Variants in FLI1 observed in about 807,000 individuals in gnomAD.
FLI1 encodes the protein Friend leukemia integration 1 transcription factor.
A neutral mutation model predicts 53.1 loss-of-function variants in FLI1; 13 were observed. The ratio of observed to expected loss-of-function variants is 0.24; its 90% CI spans 0.16 to 0.39. The LOEUF (loss-of-function observed/expected upper bound fraction) is 0.39, where lower values mean the gene tolerates loss of function less well. Among genes scored for constraint, FLI1 ranks in the 10% least tolerant of loss-of-function variants. The probability of loss-of-function intolerance (pLI) is 1.00; values close to 1 mark genes in which losing one functional copy is unlikely to be tolerated. For synonymous variants in FLI1, 244 were observed against 236.7 expected (o/e 1.03, Z -0.28); for missense variants, 424 against 600.5 (o/e 0.71, Z 3.07).
At chr11:128,691,703 T>C (rs1249748244), upstream of FLI1, 1 of 152,404 alleles carries the variant, frequency 6.6e-6, no homozygotes, top group Non-Finnish European at 1.5e-5. Context: ...TTCAATTTAA[T>C]CTAGTTCCAT....
At chr11:128,751,735 A>C (rs1275812818) in intron 1 of FLI1, among the ~76,000 whole-genome samples, 1 of 150,566 alleles carries the variant, frequency 6.6e-6, no homozygotes, top group Non-Finnish European at 1.5e-5. Context: ...TCACCATGTT[A>C]GCCAGGATGG....
chr11:128,805,351 G>A lies in FLI1; in HGVS notation c.656-15G>A. The A allele has an allele frequency of 1.3e-6, 2 of 1,539,482 alleles. No individual in the cohort carries two copies. Among genetic ancestry groups the A allele is most frequent in the Non-Finnish European group, 8.9e-7 (1 of 1,125,322 alleles). On this transcript the variant is annotated splice_polypyrimidine_tract_variant and intron_variant, in intron 5 of 8. Transcript: ENST00000527786. ...AGGCGATGCTAATGTACCCCTATTT[G>A]TTATTGTTCATTAGACCCTTCTTAT...
chr11:128,685,565 AT>A (rs1237613104), upstream of FLI1, among the ~76,000 whole-genome samples: 2 of 151,598 alleles, frequency 1.3e-5, no homozygotes, highest in Non-Finnish European at 2.9e-5. Context: ...AAAAAAAAAA[AT>A]GTAGGGGACC....
chr11:128,727,150 C>T lies in FLI1; in HGVS notation c.19-30965C>T, dbSNP rs114952004. Among the ~76,000 whole-genome samples the T allele has an allele frequency of 3.2e-3, 483 of 152,250 alleles. 4 individuals are homozygous for T. Among genetic ancestry groups the T allele is most frequent in the African/African-American group, 0.01 (426 of 41,528 alleles). On this transcript the variant is annotated intron_variant, in intron 1 of 8. Transcript: ENST00000527786. ...TGTAGATTTTGGAAGGAGCACACTTCAGAATCAGATCTGAGTTGAGATCTT... is the reference window on the plus strand; with the variant it reads ...TGTAGATTTTGGAAGGAGCACACTTTAGAATCAGATCTGAGTTGAGATCTT...
At chr11:128,736,178 C>G (rs148970235) in intron 1 of FLI1, among the ~76,000 whole-genome samples, 2 of 152,192 alleles carry the variant, frequency 1.3e-5, no homozygotes, top group Non-Finnish European at 1.5e-5. Context: ...CCTCCACCCC[C>G]GCCCAGCATA....
Position 128,807,256 on chromosome 11 carries a change from T to A in FLI1, c.781+17T>A, listed in dbSNP as rs1294509073. ...CCCAGCCAGGTACCTGCCCAGGATATGTAATCTCTCCTTTGCTTCCTGCAC... is the reference window on the plus strand; with the variant it reads ...CCCAGCCAGGTACCTGCCCAGGATAAGTAATCTCTCCTTTGCTTCCTGCAC... On this transcript the variant is annotated intron_variant, in intron 7 of 8. Transcript: ENST00000527786. The A allele has an allele frequency of 6.3e-7, 1 of 1,584,966 alleles. No homozygotes were observed. The highest frequency in any genetic ancestry group is 1.8e-5 in the Admixed American group (1 of 56,860).
chr11:128,686,199 C>T (rs1469611641), upstream of FLI1: 1 of 375,728 alleles, frequency 2.7e-6, no homozygotes, highest in East Asian at 7.3e-5. Flanking sequence ...GCTTCTGCTC[C>T]TCAGCCTGCA....
intron 3 of FLI1, among the ~76,000 whole-genome samples, chr11:128,770,205 C>T (rs1472577015): frequency 6.6e-6 from 1 of 152,224 alleles, no homozygotes; most frequent in African/African-American, 2.4e-5. Flanking sequence ...AAACATCAGG[C>T]TTGGCTGAGC....
At chr11:128,758,408 T>A (rs1456369985) in intron 2 of FLI1, 82 bp downstream of exon 2, 4 of 1,183,156 alleles carry the variant, frequency 3.4e-6, no homozygotes, top group African/African-American at 1.5e-5. Flanking sequence ...GCACTTAAGG[T>A]TTTTGCAGCA....
At chr11:128,799,012 A>C (rs1472683695) in intron 5 of FLI1, among the ~76,000 whole-genome samples, 2 of 144,466 alleles carry the variant, frequency 1.4e-5, no homozygotes, top group African/African-American at 5.1e-5. Flanking sequence ...GCCACGATTT[A>C]TTTTATTATA....
At chr11:128,741,008 C>A (rs76538850) in intron 1 of FLI1, among the ~76,000 whole-genome samples, 5 of 152,254 alleles carry the variant, frequency 3.3e-5, no homozygotes, top group Admixed American at 1.3e-4. Context: ...CACGTTGGCA[C>A]GCCAGCATCC....
chr11:128,803,371 G>A (rs184378049), intron 5 of FLI1, among the ~76,000 whole-genome samples: 3 of 152,140 alleles, frequency 2.0e-5, no homozygotes, highest in East Asian at 1.9e-4. Flanking sequence ...AACATGCCTC[G>A]GCCCTCTCTC....
chr11:128,737,883 T>C (rs1372076080), intron 1 of FLI1, among the ~76,000 whole-genome samples: 1 of 152,186 alleles, frequency 6.6e-6, no homozygotes, highest in Non-Finnish European at 1.5e-5. Context: ...AGAAGTAGGA[T>C]TGCTTAATCA....
chr11:128,715,165 C>T (rs1938957806), intron 1 of FLI1, among the ~76,000 whole-genome samples: 1 of 152,218 alleles, frequency 6.6e-6, no homozygotes. Flanking sequence ...AAAGACTTTA[C>T]TCACTGCATA....
chr11:128,784,130 G>C (rs1942008600), intron 5 of FLI1, among the ~76,000 whole-genome samples: 1 of 152,164 alleles, frequency 6.6e-6, no homozygotes, highest in African/African-American at 2.4e-5. Context: ...CTCTGAAGCA[G>C]AGCTAATGAA....
intron 5 of FLI1, among the ~76,000 whole-genome samples, chr11:128,802,548 A>G (rs1310510419): frequency 6.6e-6 from 1 of 152,252 alleles, no homozygotes; most frequent in Admixed American, 6.5e-5. Flanking sequence ...GTGAGAGCAC[A>G]GTTCAGGCTG....
exon 1 of FLI1, chr11:128,686,683 C>T (rs535642912): frequency 8.6e-6 from 3 of 350,408 alleles, no homozygotes; most frequent in African/African-American, 6.4e-5. Flanking sequence ...CAGTCCCCGA[C>T]ACGTCGTCTT....
At chr11:128,746,887 A>G (rs905394915) in intron 1 of FLI1, among the ~76,000 whole-genome samples, 1 of 152,198 alleles carries the variant, frequency 6.6e-6, no homozygotes, top group Non-Finnish European at 1.5e-5. Context: ...AAAGCTCCAC[A>G]TTGACCCAGC....
chr11:128,738,429 C>A (rs1206937028), intron 1 of FLI1, among the ~76,000 whole-genome samples: 2 of 152,274 alleles, frequency 1.3e-5, no homozygotes, highest in Non-Finnish European at 2.9e-5. Context: ...CACCTGACTT[C>A]ATCCACTACC....
Sources: allele counts gnomAD v4.1 joint callset (sites outside exome capture counted in the v4.1 genomes callset), GRCh38; gene constraint gnomAD v4.1.1; transcripts MANE v1.5; gene names NCBI Gene and HGNC (gene_info 2026-07-23, HGNC 2026-07-21).